ENKUR: variants seen among roughly 807,000 people sequenced by gnomAD.
ENKUR encodes enkurin.
A neutral mutation model predicts 27.6 loss-of-function variants in ENKUR; 19 were observed. That is an observed-to-expected ratio of 0.69 (90% CI 0.48 to 1.01). ENKUR has a LOEUF of 1.01. ENKUR is among the 50% of genes least tolerant of loss of function. The pLI, the probability that ENKUR is intolerant of heterozygous loss-of-function variation, is 0.00. For missense variants in ENKUR, 312 were observed against 310.5 expected (o/e 1.00, Z -0.04); for synonymous variants, 117 against 96.9 (o/e 1.21, Z -1.22).
intron 3 of ENKUR, among the ~76,000 whole-genome samples, chr10:24,992,536 C>T (rs574778339): frequency 1.2e-4 from 18 of 152,242 alleles, no homozygotes; most frequent in Admixed American, 3.9e-4. Flanking sequence ...TGCCACTTCT[C>T]GATAGGAGTC....
At chr10:25,008,773 C>T (rs369377040) in intron 1 of ENKUR, among the ~76,000 whole-genome samples, 5,432 of 151,948 alleles carry the variant, frequency 0.036, 229 homozygotes, top group African/African-American at 0.1. Flanking sequence ...CCCAAAGGAC[C>T]ATAAATCATG....
At chr10:25,023,085 A>C (rs1462904385) in intron 2 of ENKUR, 5 of 790,766 alleles carry the variant, frequency 6.3e-6, no homozygotes, top group Non-Finnish European at 9.9e-6. Flanking sequence ...GGGCATGGTT[A>C]TATTCAGTCC....
intron 1 of ENKUR, among the ~76,000 whole-genome samples, chr10:25,005,319 T>C (rs1850287130): frequency 6.6e-6 from 1 of 152,222 alleles, no homozygotes; most frequent in South Asian, 2.1e-4. Context: ...ACCATACAGT[T>C]AAGATTAGAC....
intron 2 of ENKUR, among the ~76,000 whole-genome samples, chr10:25,047,759 G>T (rs1405093092): frequency 6.6e-6 from 1 of 152,056 alleles, no homozygotes; most frequent in Non-Finnish European, 1.5e-5. Flanking sequence ...CTCATTATAG[G>T]CTTTTTATAG....
intron 4 of ENKUR, among the ~76,000 whole-genome samples, chr10:24,988,664 G>GTATATATATA (rs66687937): frequency 1.0e-5 from 1 of 98,844 alleles, no homozygotes; most frequent in Non-Finnish European, 2.1e-5. Context: ...CACAGCATAT[G>GTATATATATA]TATATATATA....
intron 4 of ENKUR, among the ~76,000 whole-genome samples, chr10:24,988,602 A>G (rs2132670382): frequency 6.9e-6 from 1 of 145,084 alleles, no homozygotes; most frequent in South Asian, 2.2e-4. Flanking sequence ...CCAATGCACT[A>G]GTCACCACTG....
intron 2 of ENKUR, among the ~76,000 whole-genome samples, chr10:25,042,861 T>G (rs1851080874): frequency 6.6e-6 from 1 of 151,410 alleles, no homozygotes; most frequent in Non-Finnish European, 1.5e-5. Flanking sequence ...AAAAAAAAAT[T>G]AAAAATTAAA....
intron 2 of ENKUR, among the ~76,000 whole-genome samples, chr10:25,059,849 A>C (rs1851306863): frequency 6.6e-6 from 1 of 152,122 alleles, no homozygotes; most frequent in African/African-American, 2.4e-5. Context: ...GAAGGAAAGA[A>C]ATTACATTTT....
intron 1 of ENKUR, among the ~76,000 whole-genome samples, chr10:25,015,308 A>C (rs533549987): frequency 6.6e-5 from 10 of 152,166 alleles, no homozygotes; most frequent in Non-Finnish European, 1.2e-4. Context: ...AAACCATTAG[A>C]TCTGAAAAAG....
At chr10:25,035,784 A>T (rs780552765) in intron 2 of ENKUR, among the ~76,000 whole-genome samples, 1 of 152,208 alleles carries the variant, frequency 6.6e-6, no homozygotes, top group African/African-American at 2.4e-5. Flanking sequence ...TCTGCCTCAC[A>T]ATAAAGAATG....
intron 1 of ENKUR, among the ~76,000 whole-genome samples, chr10:25,010,234 T>C (rs1223698859): frequency 6.6e-6 from 1 of 152,144 alleles, no homozygotes; most frequent in Admixed American, 6.5e-5. Context: ...GGAATAAAGG[T>C]GACTCTTGCT....
chr10:25,009,095 G>A (rs576198758), intron 1 of ENKUR, among the ~76,000 whole-genome samples: 14 of 152,244 alleles, frequency 9.2e-5, no homozygotes, highest in African/African-American at 1.9e-4. Context: ...ATCACACACC[G>A]GGGACTGTTG....
At chr10:25,019,637 A>G (rs1193345491), upstream of ENKUR, among the ~76,000 whole-genome samples, 1 of 152,228 alleles carries the variant, frequency 6.6e-6, no homozygotes, top group African/African-American at 2.4e-5. Context: ...ATATGCAAAT[A>G]CTACACCATT....
At chr10:25,004,124 T>G (rs1488770618) in intron 1 of ENKUR, among the ~76,000 whole-genome samples, 1 of 152,232 alleles carries the variant, frequency 6.6e-6, no homozygotes, top group Non-Finnish European at 1.5e-5. Context: ...GTTTTATGGC[T>G]GAATAGTATC....
At chr10:25,033,811 A>ATG (rs1236786592) in intron 2 of ENKUR, among the ~76,000 whole-genome samples, 34 of 148,000 alleles carry the variant, frequency 2.3e-4, no homozygotes, top group South Asian at 1.7e-3. Context: ...GTATGTATGT[A>ATG]TGTGTGTGTG....
chr10:25,050,474 T>C (rs1056032310), intron 2 of ENKUR, among the ~76,000 whole-genome samples: 4 of 152,166 alleles, frequency 2.6e-5, no homozygotes, highest in African/African-American at 9.7e-5. Flanking sequence ...GCAGGGGAAC[T>C]GCCCTTTATA....
At position 24,984,219 on chromosome 10, in the gene ENKUR, C is replaced by G. The variant is rs758824682; in HGVS notation, c.*151G>C. 8.8e-6 allele frequency: 7 copies of G among 794,618 alleles called. No individual in the cohort carries two copies. The highest frequency in any genetic ancestry group is 1.9e-6 in the Non-Finnish European group (1 of 517,560). The allele number at this position is 794,618 out of a possible 1,614,324, so 49.2% of individuals were successfully genotyped here. ...TGAAAATATTTCTCACTGGGAATAA[C>G]TGCAAATGTCATGGGCCACAGGAAA... is the stretch of plus-strand genomic sequence containing the variant. On this transcript the variant is annotated 3_prime_UTR_variant, in exon 6 of 6. Transcript: ENST00000331161.
chr10:25,054,512 TCCTTTCTTTCTTTCTTTC>T (rs1564358702), intron 2 of ENKUR, among the ~76,000 whole-genome samples: 3 of 101,008 alleles, frequency 3.0e-5, no homozygotes, highest in South Asian at 3.1e-4. Context: ...TTTCTTTCTT[TCCTTTCTTTCTTTCTTTC>T]CTTTCTTTCT....
intron 2 of ENKUR, among the ~76,000 whole-genome samples, chr10:25,052,592 C>T (rs1242970236): frequency 1.3e-5 from 2 of 151,996 alleles, no homozygotes. Context: ...CACAGTGAGA[C>T]ATCATCTCTA....
Sources: gnomAD v4.1 joint callset for allele counts (sites outside exome capture counted in the v4.1 genomes callset) on GRCh38, gnomAD v4.1.1 for gene constraint, MANE v1.5 for transcripts, NCBI Gene and HGNC (gene_info 2026-07-23, HGNC 2026-07-21) for gene names.